The following ZNF569 variants were observed in gnomAD, a reference collection of about 807,000 sequenced individuals.
ZNF569 encodes the protein DNA-binding protein.
ZNF569 carries 38 observed loss-of-function variants against 56.3 expected under a neutral mutation model. The observed-to-expected ratio is 0.68, with a 90% CI of 0.52 to 0.88. The LOEUF (loss-of-function observed/expected upper bound fraction) is 0.88. Among genes scored for constraint, ZNF569 ranks in the 40% least tolerant of loss-of-function variants. The pLI is 0.00. For synonymous variants in ZNF569, 241 were observed against 262.9 expected, an observed-to-expected ratio of 0.92 and a Z score of 0.81; for missense variants, 666 against 809.2, an observed-to-expected ratio of 0.82 and a Z score of 2.15.
intron 2 of ZNF569, chr19:37,454,751 TC>T: frequency 1.5e-6 from 1 of 676,462 alleles, no homozygotes; most frequent in Non-Finnish European, 2.7e-6. Flanking sequence ...ATTTTGCAAG[TC>T]CCCCAGTGGT....
upstream of ZNF569, among the ~76,000 whole-genome samples, chr19:37,468,405 AAGAG>A (rs1286264423): frequency 6.6e-6 from 1 of 152,172 alleles, no homozygotes; most frequent in African/African-American, 2.4e-5. Flanking sequence ...ACCTTTAATA[AAGAG>A]ATAATAGGCC....
Position 37,412,818 on chromosome 19 carries a change from C to T in ZNF569, c.1840G>A (p.Ala614Thr). Residue 614 changes from alanine (A) to threonine (T), a missense_variant, in exon 6 of 6, where the codon GCC (alanine) becomes ACC (threonine). Physicochemically the swap from Ala to Thr is moderately conservative, Grantham distance 58. Coordinates refer to ENST00000316950, the MANE Select transcript of ZNF569 (RefSeq NM_152484.3). ...GTAAGGGATGAGCTTTGGGAGAAGG[C>T]TTTTCCACATTTATTACATTCATAG... Reference protein sequence around the residue: ...KPYECNKCGKAFSQSSSLTIH... With the variant: ...KPYECNKCGKTFSQSSSLTIH... The T allele has an allele frequency of 6.2e-7, 1 of 1,613,992 alleles. No individual in the cohort carries two copies. The highest frequency in any genetic ancestry group is 8.5e-7 in the Non-Finnish European group (1 of 1,179,954).
At position 37,413,729 on chromosome 19, in the gene ZNF569, T is replaced by C. The variant is rs2040879707; in HGVS notation, c.929A>G (p.Lys310Arg). ...CNECGKAFSQ[K>R]QSLIAHQKVH... is the part of the protein sequence containing the mutation. ...TTTCTGATGTGCAATGAGGCTTTGC[T>C]TCTGGCTGAATGCTTTTCCACACTC... Residue 310 changes from lysine (K) to arginine (R), a missense_variant, in exon 6 of 6, where the codon AAG becomes AGG. By Grantham distance (26) the Lys-to-Arg change is conservative. Coordinates refer to ENST00000316950, the MANE Select transcript of ZNF569 (RefSeq NM_152484.3). 1 of 1,613,462 alleles carries C rather than the reference T, an allele frequency of 6.2e-7. No homozygotes were observed. Among genetic ancestry groups the C allele is most frequent in the Admixed American group, 1.7e-5 (1 of 59,976 alleles).
At chr19:37,425,396 A>ACTGCAACCTCTGCCTCC (rs1278586088) in intron 5 of ZNF569, among the ~76,000 whole-genome samples, 1 of 138,960 alleles carries the variant, frequency 7.2e-6, no homozygotes, top group Non-Finnish European at 1.5e-5. Flanking sequence ...ATCTTGGCTC[A>ACTGCAACCTCTGCCTCC]CTGCAACCTC....
At chr19:37,462,126 A>C (rs1438432379) in intron 2 of ZNF569, among the ~76,000 whole-genome samples, 1 of 152,096 alleles carries the variant, frequency 6.6e-6, no homozygotes, top group Non-Finnish European at 1.5e-5. Context: ...TATAAAGTTA[A>C]AACAATCATA....
intron 2 of ZNF569, among the ~76,000 whole-genome samples, chr19:37,456,465 T>A (rs1421839825): frequency 1.3e-5 from 2 of 152,134 alleles, no homozygotes; most frequent in African/African-American, 4.8e-5. Context: ...TACTTCTCTC[T>A]TAGGGCCCGT....
At chr19:37,464,408 C>G (rs752357254) in intron 2 of ZNF569, among the ~76,000 whole-genome samples, 42 of 152,190 alleles carry the variant, frequency 2.8e-4, no homozygotes, top group Non-Finnish European at 5.6e-4. Flanking sequence ...CCAGGATGGT[C>G]TCGATCTCCT....
intron 5 of ZNF569, among the ~76,000 whole-genome samples, chr19:37,416,518 T>C (rs2040935836): frequency 6.6e-6 from 1 of 152,322 alleles, no homozygotes; most frequent in South Asian, 2.1e-4. Flanking sequence ...CATAAAATGA[T>C]AAAAGTATTT....
upstream of ZNF569, among the ~76,000 whole-genome samples, chr19:37,468,381 G>T (rs965916612): frequency 6.6e-6 from 1 of 152,196 alleles, no homozygotes; most frequent in Non-Finnish European, 1.5e-5. Flanking sequence ...GAGCCGCACG[G>T]GGCCGGTCTT....
intron 5 of ZNF569, among the ~76,000 whole-genome samples, chr19:37,417,732 A>G (rs1466744489): frequency 6.6e-6 from 1 of 152,226 alleles, no homozygotes; most frequent in East Asian, 1.9e-4. Context: ...CTCAAAGGAA[A>G]ATGATACTGG....
chr19:37,413,285 C>T lies in ZNF569; in HGVS notation c.1373G>A (p.Arg458Lys). 1.2e-6 allele frequency: 2 copies of T among 1,610,662 alleles called. No individual in the cohort carries two copies. Among genetic ancestry groups the T allele is most frequent in the Non-Finnish European group, 1.7e-6 (2 of 1,179,016 alleles). Residue 458 changes from arginine (R) to lysine (K), a missense_variant, in exon 6 of 6, where the codon AGA becomes AAA. Arg to Lys is a conservative substitution (Grantham distance 26). Coordinates refer to ENST00000316950, the MANE Select transcript of ZNF569 (RefSeq NM_152484.3). ...ATAGGGTTTTTCCCCAGTATGAATT[C>T]TCTGGTGTCTAACAAGATTTGACAT... ...IQMSNLVRHQRIHTGEKPYIC... is the reference protein window; with the variant it reads ...IQMSNLVRHQKIHTGEKPYIC...
Position 37,453,950 on chromosome 19 carries a change from C to T in ZNF569, c.-43-8986G>A, listed in dbSNP as rs535837981. 1.2e-4 allele frequency among the ~76,000 whole-genome samples: 19 copies of T among 152,250 alleles called. No individual in the cohort carries two copies. The South Asian group carries it at 3.9e-3, about 32-fold the overall frequency. Reference sequence around the variant, plus strand: ...TTTCTTCTTGCCTTTTTATATGCCTCATAATCTTCATTGAAGGCTGTACAT... The same window carrying T: ...TTTCTTCTTGCCTTTTTATATGCCTTATAATCTTCATTGAAGGCTGTACAT... On this transcript the variant is annotated intron_variant, in intron 2 of 5. Coordinates refer to ENST00000316950, the MANE Select transcript of ZNF569 (RefSeq NM_152484.3).
intron 3 of ZNF569, among the ~76,000 whole-genome samples, chr19:37,434,299 CAAAA>C (rs1165065037): frequency 2.8e-5 from 2 of 71,386 alleles, no homozygotes; most frequent in Non-Finnish European, 3.1e-5. Flanking sequence ...GACTCTGTCT[CAAAA>C]AAAAAAAAAA....
At chr19:37,438,460 T>A (rs1324734936) in intron 3 of ZNF569, among the ~76,000 whole-genome samples, 1 of 151,762 alleles carries the variant, frequency 6.6e-6, no homozygotes, top group Non-Finnish European at 1.5e-5. Context: ...CAGAAACAAA[T>A]CCATACATCT....
chr19:37,468,256 T>C (rs975975295), upstream of ZNF569, among the ~76,000 whole-genome samples: 2 of 146,534 alleles, frequency 1.4e-5, no homozygotes, highest in African/African-American at 5.0e-5. Context: ...CGGCTGATTT[T>C]TGTTTGTTTG....
intron 3 of ZNF569, among the ~76,000 whole-genome samples, 192 bp downstream of exon 3, chr19:37,444,715 T>C (rs1356749771): frequency 6.6e-6 from 1 of 152,222 alleles, no homozygotes; most frequent in African/African-American, 2.4e-5. Context: ...AGCCCAGCTT[T>C]AATCTCTCTG....
chr19:37,465,340 G>GT lies in ZNF569; in HGVS notation c.-72dup, dbSNP rs1274155790. The stretch of plus-strand genomic sequence containing the variant: ...TGTTTATTATCCAGCCCACAAAAAT[G>GT]TAAGTACCATGATAGTAGGGGGTTT... On this transcript the variant is annotated 5_prime_UTR_variant, in exon 2 of 6. An upstream open reading frame in the 5' UTR loses its in-frame stop. Transcript: ENST00000316950. 6.6e-6 allele frequency: 1 copy of GT among 152,124 alleles called. No individual in the cohort carries two copies. The highest frequency in any genetic ancestry group is 1.9e-4 in the East Asian group (1 of 5,198). 9.4% of individuals were successfully genotyped at this position (152,124 alleles called of 1,614,324 possible). A position where few individuals can be genotyped will look rare whatever the true frequency, so the allele number is the denominator to read the frequency against.
chr19:37,468,631 G>A (rs1486135291), upstream of ZNF569, among the ~76,000 whole-genome samples: 1 of 152,204 alleles, frequency 6.6e-6, no homozygotes, highest in East Asian at 1.9e-4. Flanking sequence ...TCAGCCTCCT[G>A]AGTAGCTGGG....
intron 2 of ZNF569, among the ~76,000 whole-genome samples, chr19:37,456,171 T>C (rs1396201195): frequency 6.6e-6 from 1 of 151,710 alleles, no homozygotes; most frequent in Non-Finnish European, 1.5e-5. Flanking sequence ...TCATTCCAAC[T>C]TTTTTTTTCC....
Sources: gnomAD v4.1 joint callset for allele counts (sites outside exome capture counted in the v4.1 genomes callset) on GRCh38, gnomAD v4.1.1 for gene constraint, MANE v1.5 for transcripts, NCBI Gene and HGNC (gene_info 2026-07-23, HGNC 2026-07-21) for gene names.